Variants in PAX2 observed in about 807,000 individuals in gnomAD.
The protein encoded by PAX2 is paired box 2, also known as paired box protein Pax-2.
Under a neutral mutation model 41.7 loss-of-function variants are expected in PAX2, and 9 were observed. The ratio of observed to expected loss-of-function variants is 0.22; its 90% CI spans 0.13 to 0.38. The LOEUF (loss-of-function observed/expected upper bound fraction) is 0.38. PAX2 is among the 10% of genes least tolerant of loss of function. The probability of loss-of-function intolerance (pLI) is 1.00; values close to 1 mark genes in which losing one functional copy is unlikely to be tolerated. For missense variants in PAX2, 418 were observed against 531.6 expected (o/e 0.79, Z 2.10); for synonymous variants, 221 against 212.7 (o/e 1.04, Z -0.34).
intron 3 of PAX2, among the ~76,000 whole-genome samples, chr10:100,769,672 A>AAT (rs1213109923): frequency 6.3e-5 from 8 of 126,544 alleles, no homozygotes; most frequent in Admixed American, 8.2e-5. Context: ...AATAAAATAA[A>AAT]AAAATAAAAA....
intron 7 of PAX2, among the ~76,000 whole-genome samples, chr10:100,813,073 C>T (rs1242356610): frequency 6.6e-6 from 1 of 152,224 alleles, no homozygotes; most frequent in Admixed American, 6.5e-5. Context: ...TGAAAGTTTA[C>T]GAATTTGCAC....
rs1845405440 is a variant in PAX2 at position 100,750,642 on chromosome 10, C to G, written c.213-52C>G. ...AGCAGCTCTGGAACCTGCAGCCCCC[C>G]TGCCCCGCCACAGTCCGCTTCTGGC... On this transcript the variant is annotated intron_variant, in intron 2 of 9. Transcript: ENST00000355243. This position sits in a 1 kb window ranked among gnomAD's most constrained non-coding sequence, Gnocchi z 4.1. 2.0e-6 allele frequency: 3 copies of G among 1,525,366 alleles called. No individual in the cohort carries two copies. The highest frequency in any genetic ancestry group is 2.7e-5 in the African/African-American group (2 of 73,374). 94.5% of individuals were successfully genotyped at this position (1,525,366 alleles called of 1,614,324 possible). A position where few individuals can be genotyped will look rare whatever the true frequency, so the allele number is the denominator to read the frequency against.
rs767833769 is a variant in PAX2, at chr10:100,827,728, C to T, written c.*109C>T. ...AGGACCGACGCGACGCGATGCCTCC[C>T]GGCCACCGCCCCAGCCTCACCCCAT... On this transcript the variant is annotated 3_prime_UTR_variant, in exon 10 of 10. Transcript: ENST00000355243. The surrounding 1 kb of genome is among the most constrained non-coding windows in gnomAD (Gnocchi z 8.5). 1 of 1,591,314 alleles carries T rather than the reference C, an allele frequency of 6.3e-7. No homozygotes were observed. The highest frequency in any genetic ancestry group is 2.2e-4 in the Middle Eastern group (1 of 4,524).
At chr10:100,787,650 TTTAACTTCAGGGTCA>T (rs1363421157) in intron 5 of PAX2, among the ~76,000 whole-genome samples, 1 of 152,020 alleles carries the variant, frequency 6.6e-6, no homozygotes, top group Non-Finnish European at 1.5e-5. Context: ...TCAGCCTCAC[TTTAACTTCAGGGTCA>T]TTAATTCCCT....
chr10:100,762,078 G>T (rs1208128800), intron 3 of PAX2, among the ~76,000 whole-genome samples: 2 of 152,036 alleles, frequency 1.3e-5, no homozygotes, highest in Non-Finnish European at 2.9e-5. Flanking sequence ...AAGCAGCCCT[G>T]CCAGGCTCGG....
At chr10:100,808,905 C>G (rs1407555390) in intron 6 of PAX2, among the ~76,000 whole-genome samples, 2 of 152,204 alleles carry the variant, frequency 1.3e-5, no homozygotes, top group Non-Finnish European at 2.9e-5. Context: ...GTAAAGGGTG[C>G]TGTGCCTCCG....
At chr10:100,771,869 G>A (rs547799355) in intron 3 of PAX2, among the ~76,000 whole-genome samples, 24 of 151,008 alleles carry the variant, frequency 1.6e-4, no homozygotes, top group Admixed American at 9.9e-4. Context: ...GTGCAGTGGC[G>A]CGATCTCTGC....
At chr10:100,815,606 T>C (rs1003319620) in intron 7 of PAX2, among the ~76,000 whole-genome samples, 5 of 152,202 alleles carry the variant, frequency 3.3e-5, no homozygotes, top group Non-Finnish European at 7.3e-5. Context: ...TCCATAGCAA[T>C]GAGACATTGA....
At chr10:100,777,317 T>C (rs1846430903) in intron 3 of PAX2, among the ~76,000 whole-genome samples, 1 of 151,842 alleles carries the variant, frequency 6.6e-6, no homozygotes, top group African/African-American at 2.4e-5. Context: ...GTCAGGTTGG[T>C]CTCAAACTCC....
chr10:100,780,587 A>T (rs1846578362), intron 4 of PAX2, among the ~76,000 whole-genome samples: 1 of 152,136 alleles, frequency 6.6e-6, no homozygotes, highest in Non-Finnish European at 1.5e-5. Context: ...CCATAGAGCG[A>T]ATGGGTTCAC....
intron 3 of PAX2, among the ~76,000 whole-genome samples, chr10:100,755,942 T>C (rs1459315568): frequency 3.3e-5 from 5 of 152,024 alleles, no homozygotes; most frequent in Non-Finnish European, 7.4e-5. Flanking sequence ...CATATGCATG[T>C]TGGTATTAGA....
In PAX2 at chr10:100,826,398, C is replaced by T. The variant is rs1043741729; in HGVS notation, c.1022-611C>T. On this transcript the variant is annotated intron_variant, in intron 8 of 9. Transcript: ENST00000355243. This position sits in a 1 kb window ranked among gnomAD's most constrained non-coding sequence, Gnocchi z 5.5. ...GACGGCTCCCAACCCACGGGCCCTC[C>T]GCTCACCGCTAGCGGACCAGCGGGC... 1.3e-5 allele frequency among the ~76,000 whole-genome samples: 2 copies of T among 152,200 alleles called. No individual in the cohort carries two copies. Among genetic ancestry groups the T allele is most frequent in the African/African-American group, 4.8e-5 (2 of 41,446 alleles).
At chr10:100,755,423 C>T (rs949269469) in intron 3 of PAX2, among the ~76,000 whole-genome samples, 4 of 152,006 alleles carry the variant, frequency 2.6e-5, no homozygotes, top group South Asian at 2.1e-4. Flanking sequence ...CAGAAGGTGA[C>T]GCAAAGAAGA....
chr10:100,770,771 A>C (rs1408983862), intron 3 of PAX2, among the ~76,000 whole-genome samples: 2 of 152,230 alleles, frequency 1.3e-5, no homozygotes, highest in Non-Finnish European at 2.9e-5. Context: ...AAATTATTTC[A>C]ATTTTTAACC....
intron 3 of PAX2, among the ~76,000 whole-genome samples, chr10:100,760,294 G>A (rs1311273032): frequency 6.6e-6 from 1 of 152,224 alleles, no homozygotes; most frequent in African/African-American, 2.4e-5. Context: ...TAAAGGGATT[G>A]TTTGGTCCCA....
At chr10:100,738,839 G>A (rs549348426) in intron 1 of PAX2, among the ~76,000 whole-genome samples, 21 of 152,298 alleles carry the variant, frequency 1.4e-4, no homozygotes, top group African/African-American at 5.1e-4. Context: ...AAGAGACCCT[G>A]TCCTGGCTCC....
intron 5 of PAX2, among the ~76,000 whole-genome samples, chr10:100,786,310 C>G (rs1846856383): frequency 6.6e-6 from 1 of 152,238 alleles, no homozygotes; most frequent in South Asian, 2.1e-4. Flanking sequence ...CACATGTCAT[C>G]TTTCAGCCTC....
At chr10:100,808,539 A>G (rs187485908) in intron 6 of PAX2, among the ~76,000 whole-genome samples, 56 of 152,252 alleles carry the variant, frequency 3.7e-4, no homozygotes, top group Non-Finnish European at 7.4e-4. Context: ...TTTCAGAGTC[A>G]ATGACTGGCC....
chr10:100,800,963 T>C (rs895113810), intron 5 of PAX2, among the ~76,000 whole-genome samples: 1 of 152,266 alleles, frequency 6.6e-6, no homozygotes, highest in African/African-American at 2.4e-5. Context: ...TTGCTTGTGA[T>C]TGGGAAGTAA....
Sources: gnomAD v4.1 joint callset for allele counts (sites outside exome capture counted in the v4.1 genomes callset) on GRCh38, gnomAD v4.1.1 for gene constraint, Gnocchi (gnomAD v3.1) non-coding constraint, MANE v1.5 for transcripts, NCBI Gene and HGNC (gene_info 2026-07-23, HGNC 2026-07-21) for gene names.